GMPR: variants seen among roughly 807,000 people sequenced by gnomAD.
GMPR encodes the protein GMP reductase 1.
In GMPR, 31 loss-of-function variants were observed where a neutral mutation model predicts 38.4. The ratio of observed to expected loss-of-function variants is 0.81; its 90% CI spans 0.61 to 1.09. GMPR has a LOEUF of 1.09. GMPR is among the 50% of genes least tolerant of loss of function. The probability of loss-of-function intolerance (pLI) is 0.00; values close to 1 mark genes in which losing one functional copy is unlikely to be tolerated. For synonymous variants in GMPR, 162 were observed against 173.3 expected, an observed-to-expected ratio of 0.93 and a Z score of 0.51; for missense variants, 468 against 453.7, an observed-to-expected ratio of 1.03 and a Z score of -0.29.
Position 16,239,585 on chromosome 6 carries a change from G to T in GMPR, c.87+805G>T, listed in dbSNP as rs574251276. 2.6e-4 allele frequency among the ~76,000 whole-genome samples: 40 copies of T among 152,372 alleles called. 1 individual carries two copies. Among genetic ancestry groups the T allele is most frequent in the African/African-American group, 9.1e-4 (38 of 41,588 alleles). ...GTGGTGTGCGCTGGTGACTGGCTTTGCTGAGAGCTGGAGAGGAAGGTGAGG... is the reference window on the plus strand; with the variant it reads ...GTGGTGTGCGCTGGTGACTGGCTTTTCTGAGAGCTGGAGAGGAAGGTGAGG... On this transcript the variant is annotated intron_variant, in intron 1 of 8. Transcript: ENST00000259727.
At chr6:16,238,812 G>A in intron 1 of GMPR, 32 bp downstream of exon 1, 1 of 1,319,988 alleles carries the variant, frequency 7.6e-7, no homozygotes. Flanking sequence ...CAGTGGGGTG[G>A]GATTTTTTTT....
rs759336563 is a variant in GMPR at position 16,254,631 on chromosome 6, C to T, written c.361C>T (p.Pro121Ser). 2 of 1,613,240 alleles carry T rather than the reference C, an allele frequency of 1.2e-6. No homozygotes were observed. The highest frequency in any genetic ancestry group is 1.7e-5 in the Admixed American group (1 of 60,016). Residue 121 changes from proline to serine, a missense_variant, in exon 4 of 9, where the codon CCA (proline) becomes TCA (serine). Physicochemically the swap from Pro to Ser is moderately conservative, Grantham distance 74 (BLOSUM62 -1). Transcript: ENST00000259727. The stretch of plus-strand genomic sequence containing the variant: ...GATGACCAGCATCCTGGAAGCTGTG[C>T]CACAGGTTAAGTTTATTTGCCTGGA... ...EKMTSILEAV[P>S]QVKFICLDVA...
chr6:16,238,598 C>A lies in GMPR; in HGVS notation c.-96C>A. ...TGCGCACCCGGCCCACGCCAGCTCCCGGCCGCGGCACAGCAGCCCCGGCGC... is the reference window on the plus strand; with the variant it reads ...TGCGCACCCGGCCCACGCCAGCTCCAGGCCGCGGCACAGCAGCCCCGGCGC... On this transcript the variant is annotated 5_prime_UTR_variant, in exon 1 of 9. Coordinates refer to ENST00000259727, the MANE Select transcript of GMPR (RefSeq NM_006877.4). 3.5e-6 allele frequency: 1 copy of A among 283,844 alleles called. No homozygotes were observed. Among genetic ancestry groups the A allele is most frequent in the Non-Finnish European group, 5.4e-6 (1 of 184,352 alleles). 17.6% of individuals were successfully genotyped at this position (283,844 alleles called of 1,614,324 possible). A position where few individuals can be genotyped will look rare whatever the true frequency, so the allele number is the denominator to read the frequency against.
chr6:16,295,423 C>T lies in GMPR; in HGVS notation c.*237C>T, dbSNP rs1272898363. Reference sequence around the variant, plus strand: ...GAGCCCTGCTGCCCAGAACTCATAACCTCATTGTTCAAACCAACACTTGCA... The same window carrying T: ...GAGCCCTGCTGCCCAGAACTCATAATCTCATTGTTCAAACCAACACTTGCA... On this transcript the variant is annotated 3_prime_UTR_variant, in exon 9 of 9. Coordinates refer to ENST00000259727, the MANE Select transcript of GMPR (RefSeq NM_006877.4). 2 of 392,958 alleles carry T rather than the reference C, an allele frequency of 5.1e-6. No individual in the cohort carries two copies. Among genetic ancestry groups the T allele is most frequent in the Middle Eastern group, 6.4e-4 (1 of 1,574 alleles). 24.3% of individuals were successfully genotyped at this position (392,958 alleles called of 1,614,324 possible).
intron 5 of GMPR, among the ~76,000 whole-genome samples, chr6:16,275,849 G>C (rs960630043): frequency 6.6e-6 from 1 of 152,114 alleles, no homozygotes; most frequent in Non-Finnish European, 1.5e-5. Context: ...CTTGAGCCCA[G>C]GAGTTTGAGA....
intron 7 of GMPR, among the ~76,000 whole-genome samples, chr6:16,287,992 C>T (rs1332486793): frequency 1.3e-5 from 2 of 152,250 alleles, no homozygotes; most frequent in East Asian, 1.9e-4. Context: ...CCTCCTCCTT[C>T]ATCCTATTAC....
rs1364166236 is a variant in GMPR at position 16,281,185 on chromosome 6, G to A, written c.654+2295G>A. On this transcript the variant is annotated intron_variant, in intron 6 of 8. Transcript: ENST00000259727. ...CAAATTCTTGGGCCCCACCATCGAC[G>A]TGACCTACAGAATCAGAACTCTGCA... Among the ~76,000 whole-genome samples, 6 of 152,294 alleles carry A rather than the reference G, an allele frequency of 3.9e-5. No individual in the cohort carries two copies. The Middle Eastern group carries it at 0.01, about 259-fold the overall frequency.
At chr6:16,246,691 G>A in intron 1 of GMPR, 151 bp from the exon 2 acceptor site, 1 of 710,806 alleles carries the variant, frequency 1.4e-6, no homozygotes, top group East Asian at 2.7e-5. Context: ...CCGCTCTGGT[G>A]TCTTTGGAAT....
At chr6:16,260,234 C>A (rs1405815072) in intron 4 of GMPR, among the ~76,000 whole-genome samples, 1 of 151,910 alleles carries the variant, frequency 6.6e-6, no homozygotes, top group African/African-American at 2.4e-5. Context: ...TTCCTGAAGA[C>A]TGAGGACCGT....
At chr6:16,245,527 T>TA (rs1267141381) in intron 1 of GMPR, among the ~76,000 whole-genome samples, 1 of 152,172 alleles carries the variant, frequency 6.6e-6, no homozygotes, top group Non-Finnish European at 1.5e-5. Flanking sequence ...AGGTCTAAGT[T>TA]ACTGCAGAAG....
intron 4 of GMPR, among the ~76,000 whole-genome samples, chr6:16,266,401 A>T (rs567196306): frequency 8.9e-6 from 1 of 112,216 alleles, no homozygotes; most frequent in Non-Finnish European, 1.8e-5. Context: ...TGCCACCTTT[A>T]AGAGCTGTAA....
chr6:16,275,547 T>G (rs574324405), intron 5 of GMPR, among the ~76,000 whole-genome samples: 2 of 152,222 alleles, frequency 1.3e-5, no homozygotes, highest in Non-Finnish European at 2.9e-5. Context: ...TTTAAGCCAG[T>G]TAATAATGTA....
chr6:16,295,394 A>C lies in GMPR; in HGVS notation c.*208A>C. The stretch of plus-strand genomic sequence containing the variant: ...GACGCAAGGCACCGATTGGGCCAAC[A>C]TCAGAGCCCTGCTGCCCAGAACTCA... On this transcript the variant is annotated 3_prime_UTR_variant, in exon 9 of 9. Transcript: ENST00000259727. 1 of 447,738 alleles carries C rather than the reference A, an allele frequency of 2.2e-6. No individual in the cohort carries two copies. The highest frequency in any genetic ancestry group is 3.9e-6 in the Non-Finnish European group (1 of 258,354). The allele number at this position is 447,738 out of a possible 1,614,324, so 27.7% of individuals were successfully genotyped here.
chr6:16,292,733 C>T (rs1210806893), intron 8 of GMPR, among the ~76,000 whole-genome samples: 5 of 152,248 alleles, frequency 3.3e-5, no homozygotes, highest in East Asian at 1.9e-4. Context: ...TTTTCACCCT[C>T]GTGGCTGCAT....
intron 4 of GMPR, among the ~76,000 whole-genome samples, chr6:16,256,804 C>T (rs1337944177): frequency 6.6e-6 from 1 of 152,178 alleles, no homozygotes; most frequent in African/African-American, 2.4e-5. Flanking sequence ...GGTCATTGAT[C>T]CTGATTGCTG....
rs1018635459 is a variant in GMPR at position 16,246,828 on chromosome 6, T to C, written c.88-14T>C. ...ATTTCTTTCCCTTTTTCTTTCTTTT[T>C]TTTTGGCCAACAGGTGGATCTTGAA... is the stretch of plus-strand genomic sequence containing the variant. On this transcript the variant is annotated splice_polypyrimidine_tract_variant and intron_variant, in intron 1 of 8. Transcript: ENST00000259727. 3 of 1,606,412 alleles carry C rather than the reference T, an allele frequency of 1.9e-6. No individual in the cohort carries two copies. Among genetic ancestry groups the C allele is most frequent in the African/African-American group, 2.7e-5 (2 of 74,322 alleles).
chr6:16,241,064 C>G (rs1298543575), intron 1 of GMPR, among the ~76,000 whole-genome samples: 1 of 152,112 alleles, frequency 6.6e-6, no homozygotes, highest in Non-Finnish European at 1.5e-5. Context: ...AAATTTTTCA[C>G]AGGCAGATAA....
rs559121473 is a variant in GMPR, at chr6:16,266,803, CAAAA to C, written c.466-7608_466-7605del. ...GACTCCGTCTCAAAAAACAAACAAA[CAAAA>C]AAAGAGCTGTAACACTCACTGTGAA... On this transcript the variant is annotated intron_variant, in intron 4 of 8. Coordinates refer to ENST00000259727, the MANE Select transcript of GMPR (RefSeq NM_006877.4). Among the ~76,000 whole-genome samples the C allele has an allele frequency of 2.4e-3, 357 of 150,156 alleles. 4 individuals carry two copies. Among genetic ancestry groups the C allele is most frequent in the African/African-American group, 8.4e-3 (341 of 40,726 alleles).
intron 2 of GMPR, among the ~76,000 whole-genome samples, chr6:16,248,444 G>A (rs1399481450): frequency 6.6e-6 from 1 of 151,342 alleles, no homozygotes; most frequent in Non-Finnish European, 1.5e-5. Context: ...CAGGGGTTCT[G>A]TCTTTCCTGT....
Sources: allele counts gnomAD v4.1 joint callset (sites outside exome capture counted in the v4.1 genomes callset), GRCh38; gene constraint gnomAD v4.1.1; transcripts MANE v1.5; gene names NCBI Gene and HGNC (gene_info 2026-07-23, HGNC 2026-07-21).